PDZD9: variants seen among roughly 807,000 people sequenced by gnomAD.
PDZD9 encodes PDZ domain containing 9.
A neutral mutation model predicts 16.3 loss-of-function variants in PDZD9; 13 were observed. The observed-to-expected ratio is 0.80, with a 90% CI of 0.52 to 1.27. The LOEUF is 1.27. Ranked by LOEUF, PDZD9 falls within the 50% of genes most tolerant of loss-of-function variation. The pLI, the probability that PDZD9 is intolerant of heterozygous loss-of-function variation, is 0.00. For synonymous variants in PDZD9, 120 were observed against 111.0 expected (o/e 1.08, Z -0.51); for missense variants, 288 against 310.9 (o/e 0.93, Z 0.55).
At chr16:21,979,664 CAGTG>C (rs1239527094), downstream of PDZD9, among the ~76,000 whole-genome samples, 2 of 152,166 alleles carry the variant, frequency 1.3e-5, no homozygotes, top group Non-Finnish European at 2.9e-5. Flanking sequence ...TCGAGTGAGT[CAGTG>C]AGTGAGTGGT....
At position 21,988,802 on chromosome 16, in the gene PDZD9, A is replaced by T. The variant is rs1468968239; in HGVS notation, c.212-11T>A. ...TAATCAGAACATCACCTGAAGAGGG[A>T]AAAAATTATGTATCAGTAAAACTAG... On this transcript the variant is annotated splice_polypyrimidine_tract_variant and intron_variant, in intron 2 of 3. Coordinates refer to ENST00000424898, the MANE Select transcript of PDZD9 (RefSeq NM_001363519.1). 1.3e-6 allele frequency: 2 copies of T among 1,585,716 alleles called. No individual in the cohort carries two copies. Among genetic ancestry groups the T allele is most frequent in the African/African-American group, 2.7e-5 (2 of 73,550 alleles).
At chr16:21,998,553 A>C (rs1167671172) in intron 1 of PDZD9, 1 of 152,130 alleles carries the variant, frequency 6.6e-6, no homozygotes, top group African/African-American at 2.4e-5. Context: ...TTAGCTGGGC[A>C]TGGTGGCGCG....
chr16:21,966,475 T>C, the PDZD9 span, among the ~76,000 whole-genome samples: 1 of 152,162 alleles, frequency 6.6e-6, no homozygotes, highest in Non-Finnish European at 1.5e-5. Context: ...AAAAACAAAT[T>C]TTATCAAAAG....
chr16:21,990,645 C>CAAAACAAAACAAAACAAAACA (rs1898999984), intron 2 of PDZD9, among the ~76,000 whole-genome samples: 2 of 151,916 alleles, frequency 1.3e-5, no homozygotes, highest in African/African-American at 4.8e-5. Context: ...ATTACAATGG[C>CAAAACAAAACAAAACAAAACA]AAAACAAAAC....
chr16:21,984,300 C>T lies in PDZD9; in HGVS notation c.762G>A (p.Glu254=), dbSNP rs545750834. The T allele has an allele frequency of 3.7e-6, 6 of 1,613,950 alleles. No homozygotes were observed. In the East Asian group the frequency reaches 1.3e-4, roughly 36 times the overall value. ...CCTTTGATACCAGTTGGGCTTTACC[C>T]TCTTCAACTTGGGCACAATCTTCCA... ...FWLEDCAQVE[E]GKAQLVSKVG Residue 254 remains glutamate (E), a synonymous_variant, in exon 4 of 4, where the codon GAG becomes GAA. Coordinates refer to ENST00000424898, the MANE Select transcript of PDZD9 (RefSeq NM_001363519.1).
chr16:21,968,688 A>G, the PDZD9 span: 1 of 1,608,254 alleles, frequency 6.2e-7, no homozygotes, highest in South Asian at 1.1e-5. Context: ...TGGACTTGGT[A>G]AGTTTAGAGT....
chr16:21,973,420 C>T, the PDZD9 span, among the ~76,000 whole-genome samples: 1 of 152,158 alleles, frequency 6.6e-6, no homozygotes, highest in Non-Finnish European at 1.5e-5. Flanking sequence ...AGAGGTTAAA[C>T]TCTTGATAGC....
chr16:21,960,227 G>A, the PDZD9 span, among the ~76,000 whole-genome samples: 1 of 152,200 alleles, frequency 6.6e-6, no homozygotes, highest in South Asian at 2.1e-4. Context: ...ATGATCTTAT[G>A]TAGATCTTCT....
At chr16:21,969,305 G>A in the PDZD9 span, among the ~76,000 whole-genome samples, 5 of 152,152 alleles carry the variant, frequency 3.3e-5, no homozygotes, top group African/African-American at 4.8e-5. Flanking sequence ...AGGCTGAGGC[G>A]GGCGGATCAC....
At chr16:21,966,172 G>A in the PDZD9 span, among the ~76,000 whole-genome samples, 2 of 151,122 alleles carry the variant, frequency 1.3e-5, no homozygotes, top group African/African-American at 4.9e-5. Flanking sequence ...ATATATATAT[G>A]TGTGTGTGTA....
chr16:21,976,369 A>G, the PDZD9 span: 2 of 795,394 alleles, frequency 2.5e-6, no homozygotes, highest in African/African-American at 1.8e-5. Flanking sequence ...TAAAAAGGGA[A>G]ACATACCCAT....
chr16:21,971,990 G>A, the PDZD9 span: 68 of 1,614,124 alleles, frequency 4.2e-5, no homozygotes, highest in African/African-American at 6.9e-4. Context: ...GTGCTGTCGC[G>A]GGAAGTGCAG....
intron 3 of PDZD9, among the ~76,000 whole-genome samples, chr16:21,986,555 C>G (rs1898881695): frequency 6.6e-6 from 1 of 152,054 alleles, no homozygotes; most frequent in Non-Finnish European, 1.5e-5. Flanking sequence ...TACACTCCAG[C>G]CTGAGTGACA....
chr16:21,988,921 C>T, intron 2 of PDZD9, 130 bp from the exon 3 acceptor site: 3 of 625,916 alleles, frequency 4.8e-6, no homozygotes, highest in South Asian at 3.1e-5. Flanking sequence ...CAAAACCAGG[C>T]TTCAGCCTTT....
At chr16:21,994,337 T>C (rs1899093777) in intron 2 of PDZD9, among the ~76,000 whole-genome samples, 1 of 152,240 alleles carries the variant, frequency 6.6e-6, no homozygotes, top group African/African-American at 2.4e-5. Context: ...TGTCAGACCC[T>C]GAGCCTGAAT....
the PDZD9 span, among the ~76,000 whole-genome samples, chr16:21,972,350 A>G: frequency 2.0e-5 from 3 of 152,182 alleles, no homozygotes; most frequent in African/African-American, 2.4e-5. Context: ...GAGGAATTGA[A>G]TGCTTAGAAA....
intron 2 of PDZD9, among the ~76,000 whole-genome samples, chr16:21,991,700 A>G (rs913987738): frequency 5.3e-5 from 8 of 152,206 alleles, no homozygotes; most frequent in Admixed American, 5.2e-4. Context: ...ACATAGATAA[A>G]AGATAATGGG....
At chr16:21,978,444 T>C in the PDZD9 span, among the ~76,000 whole-genome samples, 2 of 152,192 alleles carry the variant, frequency 1.3e-5, no homozygotes, top group African/African-American at 4.8e-5. Context: ...TTGGATTTTG[T>C]TTTATTTCAA....
At chr16:21,963,671 A>G in the PDZD9 span, among the ~76,000 whole-genome samples, 12 of 151,854 alleles carry the variant, frequency 7.9e-5, no homozygotes, top group Admixed American at 1.3e-4. Context: ...GTCTCACTCT[A>G]TTGCCCAGGC....
Sources: gnomAD v4.1 joint callset for allele counts (sites outside exome capture counted in the v4.1 genomes callset) on GRCh38, gnomAD v4.1.1 for gene constraint, MANE v1.5 for transcripts, NCBI Gene and HGNC (gene_info 2026-07-23, HGNC 2026-07-21) for gene names.